NELL1: variants seen among roughly 807,000 people sequenced by gnomAD.
NELL1 encodes neural EGFL like 1.
NELL1 carries 76 observed loss-of-function variants against 107.4 expected under a neutral mutation model. The observed-to-expected ratio is 0.71, with a 90% CI of 0.59 to 0.86. The LOEUF (loss-of-function observed/expected upper bound fraction) is 0.86, where lower values mean the gene tolerates loss of function less well. Ranked by LOEUF, NELL1 falls within the 40% of genes least tolerant of loss-of-function variation. The pLI is 0.00. For synonymous variants in NELL1, 353 were observed against 341.2 expected, an observed-to-expected ratio of 1.03 and a Z score of -0.38; for missense variants, 1,024 against 1,005.5, an observed-to-expected ratio of 1.02 and a Z score of -0.25.
chr11:21,205,172 A>T (rs750067346), intron 13 of NELL1, among the ~76,000 whole-genome samples: 1 of 152,182 alleles, frequency 6.6e-6, no homozygotes, highest in Non-Finnish European at 1.5e-5. Flanking sequence ...TTCAGCAGCC[A>T]TCAGGCAGGC....
At chr11:20,903,294 C>T (rs1849919059) in intron 5 of NELL1, among the ~76,000 whole-genome samples, 1 of 151,994 alleles carries the variant, frequency 6.6e-6, no homozygotes, top group Non-Finnish European at 1.5e-5. Flanking sequence ...TGTTCTGTAG[C>T]TAGTTACTTC....
At chr11:21,239,197 G>C (rs1858285873) in intron 14 of NELL1, among the ~76,000 whole-genome samples, 2 of 151,872 alleles carry the variant, frequency 1.3e-5, no homozygotes, top group African/African-American at 4.8e-5. Context: ...GGTGTTTCTT[G>C]CTCTGTGGTA....
At chr11:21,030,395 G>A (rs1367349734) in intron 12 of NELL1, among the ~76,000 whole-genome samples, 3 of 152,122 alleles carry the variant, frequency 2.0e-5, no homozygotes, top group Non-Finnish European at 4.4e-5. Flanking sequence ...CTTGGCTGAG[G>A]TGCCTTCCTT....
Position 20,704,080 on chromosome 11 carries a change from A to T in NELL1, c.184+26020A>T, listed in dbSNP as rs148493508. Among the ~76,000 whole-genome samples the T allele has an allele frequency of 3.2e-3, 480 of 152,176 alleles. 4 individuals carry two copies. Among genetic ancestry groups the T allele is most frequent in the Non-Finnish European group, 5.2e-3 (352 of 68,008 alleles). On this transcript the variant is annotated intron_variant, in intron 2 of 19. Transcript: ENST00000357134. ...TCCTTGTTAACTCTCTGTCTTGCTG[A>T]TCTGTGTAATGTTGACAGTGGGGTG...
intron 13 of NELL1, among the ~76,000 whole-genome samples, chr11:21,179,465 T>C (rs1384247200): frequency 6.6e-6 from 1 of 151,786 alleles, no homozygotes; most frequent in African/African-American, 2.4e-5. Context: ...ATGATGTGAG[T>C]TGGCTAGTGT....
intron 13 of NELL1, among the ~76,000 whole-genome samples, chr11:21,202,622 T>C (rs1156259660): frequency 6.6e-6 from 1 of 152,218 alleles, no homozygotes. Context: ...TGTCTCTAAC[T>C]CCTTCAGTTC....
At chr11:21,316,790 A>G (rs778891650) in intron 14 of NELL1, among the ~76,000 whole-genome samples, 12 of 152,300 alleles carry the variant, frequency 7.9e-5, no homozygotes, top group Non-Finnish European at 1.3e-4. Flanking sequence ...CTGACAGCAA[A>G]GAGAATGATG....
chr11:21,021,045 A>ACACG (rs1246201959), intron 12 of NELL1, among the ~76,000 whole-genome samples: 4 of 151,424 alleles, frequency 2.6e-5, no homozygotes, highest in East Asian at 3.9e-4. Context: ...ACACACACAC[A>ACACG]CACAGAGTTA....
In NELL1 at chr11:20,717,215, T is replaced by A. The variant is rs542199731; in HGVS notation, c.184+39155T>A. ...CCAATCCTATGCCTGGTCATCCCAA[T>A]GATGGAGATAATACTACATTGTGAG... On this transcript the variant is annotated intron_variant, in intron 2 of 19. Coordinates refer to ENST00000357134, the MANE Select transcript of NELL1 (RefSeq NM_006157.5). 1.4e-3 allele frequency among the ~76,000 whole-genome samples: 211 copies of A among 152,338 alleles called. 1 individual carries two copies. Among genetic ancestry groups the A allele is most frequent in the Non-Finnish European group, 5.0e-4 (34 of 68,030 alleles).
At chr11:21,091,861 T>A (rs1854529314) in intron 12 of NELL1, among the ~76,000 whole-genome samples, 1 of 152,186 alleles carries the variant, frequency 6.6e-6, no homozygotes, top group Non-Finnish European at 1.5e-5. Context: ...TGAGAAGGGA[T>A]GGTGATTCTT....
At chr11:20,680,661 G>T (rs1015621231) in intron 2 of NELL1, among the ~76,000 whole-genome samples, 5 of 152,092 alleles carry the variant, frequency 3.3e-5, no homozygotes, top group Non-Finnish European at 1.5e-5. Flanking sequence ...ACTCCGTTGG[G>T]TTCAAGTCTT....
intron 15 of NELL1, among the ~76,000 whole-genome samples, chr11:21,487,945 A>G (rs887301909): frequency 3.9e-5 from 6 of 152,238 alleles, no homozygotes; most frequent in African/African-American, 1.4e-4. Context: ...GAATATCATT[A>G]CATAATGATA....
In NELL1 at chr11:21,204,208, C is replaced by G. The variant is rs190266080; in HGVS notation, c.1427-25124C>G. On this transcript the variant is annotated intron_variant, in intron 13 of 19. Coordinates refer to ENST00000357134, the MANE Select transcript of NELL1 (RefSeq NM_006157.5). ...TGGATAATATCCTGCAGAGTGTTTT[C>G]CAACTTGGTTCCATTCCCCTGTCAC... is the stretch of plus-strand genomic sequence containing the variant. 2.3e-3 allele frequency among the ~76,000 whole-genome samples: 356 copies of G among 152,238 alleles called. 1 individual carries two copies. Among genetic ancestry groups the G allele is most frequent in the African/African-American group, 7.4e-3 (309 of 41,536 alleles).
chr11:21,328,701 C>T (rs766753468), intron 14 of NELL1, among the ~76,000 whole-genome samples: 1 of 152,140 alleles, frequency 6.6e-6, no homozygotes, highest in Non-Finnish European at 1.5e-5. Flanking sequence ...CCTGCAAAGC[C>T]ACAGAGGCAG....
At chr11:21,497,637 G>C (rs1181076526) in intron 15 of NELL1, among the ~76,000 whole-genome samples, 1 of 151,052 alleles carries the variant, frequency 6.6e-6, no homozygotes. Flanking sequence ...ACCCCTCAAA[G>C]AAAAAAAATA....
At chr11:21,268,665 C>A (rs530356336) in intron 14 of NELL1, among the ~76,000 whole-genome samples, 4 of 152,280 alleles carry the variant, frequency 2.6e-5, no homozygotes, top group African/African-American at 4.8e-5. Flanking sequence ...AGAATGCTAA[C>A]CCCTCAACAA....
At position 21,331,642 on chromosome 11, in the gene NELL1, G is replaced by A. The variant is rs568813229; in HGVS notation, c.1550-39211G>A. ...CAGTCACTTTATTGTTTTGGACAAT[G>A]CTGTGGGAAATAAATTACCCTACAA... On this transcript the variant is annotated intron_variant, in intron 14 of 19. Coordinates refer to ENST00000357134, the MANE Select transcript of NELL1 (RefSeq NM_006157.5). Among the ~76,000 whole-genome samples the A allele has an allele frequency of 2.0e-5, 3 of 152,060 alleles. No homozygotes were observed. In the South Asian group the frequency reaches 6.2e-4, roughly 32 times the overall value.
At chr11:21,041,233 C>A (rs2134332037) in intron 12 of NELL1, among the ~76,000 whole-genome samples, 1 of 152,306 alleles carries the variant, frequency 6.6e-6, no homozygotes, top group East Asian at 1.9e-4. Context: ...AGTCTCTCCA[C>A]TGCTTTAAAA....
At chr11:21,197,916 T>C (rs1044061830) in intron 13 of NELL1, among the ~76,000 whole-genome samples, 1 of 152,182 alleles carries the variant, frequency 6.6e-6, no homozygotes, top group Non-Finnish European at 1.5e-5. Flanking sequence ...ATGTAATGAC[T>C]ACCTCAAACT....
Sources: allele counts gnomAD v4.1 joint callset (sites outside exome capture counted in the v4.1 genomes callset), GRCh38; gene constraint gnomAD v4.1.1; transcripts MANE v1.5; gene names NCBI Gene and HGNC (gene_info 2026-07-23, HGNC 2026-07-21).